Variants in ADD2 observed in about 807,000 individuals in gnomAD.
The protein encoded by ADD2 is beta-adducin.
Under a neutral mutation model 83.0 loss-of-function variants are expected in ADD2, and 23 were observed. That is an observed-to-expected ratio of 0.28 (90% CI 0.20 to 0.39). The LOEUF (loss-of-function observed/expected upper bound fraction) is 0.39. Ranked by LOEUF, ADD2 falls within the 10% of genes least tolerant of loss-of-function variation. The probability of loss-of-function intolerance (pLI) is 1.00; values close to 1 mark genes in which losing one functional copy is unlikely to be tolerated. For synonymous variants in ADD2, 375 were observed against 375.4 expected, an observed-to-expected ratio of 1.00 and a Z score of 0.01; for missense variants, 758 against 944.9, an observed-to-expected ratio of 0.80 and a Z score of 2.59.
At chr2:70,761,390 C>T (rs1347662970) in intron 1 of ADD2, among the ~76,000 whole-genome samples, 10 of 148,030 alleles carry the variant, frequency 6.8e-5, no homozygotes, top group African/African-American at 2.2e-4. Flanking sequence ...GGGTGGATCA[C>T]CTGAGATCAG....
intron 1 of ADD2, among the ~76,000 whole-genome samples, chr2:70,761,664 A>G (rs1675104704): frequency 6.7e-6 from 1 of 149,920 alleles, no homozygotes; most frequent in Non-Finnish European, 1.5e-5. Flanking sequence ...ATGAAAGAAC[A>G]AATAGACACA....
Position 70,706,086 on chromosome 2 carries a change from A to G in ADD2, c.183+140T>C. 1 of 825,684 alleles carries G rather than the reference A, an allele frequency of 1.2e-6. No homozygotes were observed. Among genetic ancestry groups the G allele is most frequent in the Non-Finnish European group, 1.8e-6 (1 of 551,152 alleles). The allele number at this position is 825,684 out of a possible 1,614,324, so 51.1% of individuals were successfully genotyped here. ...GAGAGTGTCAAGGCCCCAGGTGACC[A>G]GATCCGTCTTGCTCAGTGGGCTTAC... On this transcript the variant is annotated intron_variant, in intron 3 of 15. Transcript: ENST00000264436. The surrounding 1 kb of genome is among the most constrained non-coding windows in gnomAD (Gnocchi z 5.0).
At position 70,706,428 on chromosome 2, in the gene ADD2, T is replaced by C. The variant is rs1553374518; in HGVS notation, c.-20A>G. 1.9e-6 allele frequency: 3 copies of C among 1,594,554 alleles called. No homozygotes were observed. In the African/African-American group the frequency reaches 4.0e-5, roughly 21 times the overall value. On this transcript the variant is annotated 5_prime_UTR_variant, in exon 3 of 16. Transcript: ENST00000264436. This position sits in a 1 kb window ranked among gnomAD's most constrained non-coding sequence, Gnocchi z 5.0. Reference sequence around the variant, plus strand: ...GCTCATTTTCCCGGTGGGTTTGCAATTCGCTCCTGGAACTCTACAGAGAAG... The same window carrying C: ...GCTCATTTTCCCGGTGGGTTTGCAACTCGCTCCTGGAACTCTACAGAGAAG...
At chr2:70,708,346 T>C (rs1553374905) in intron 2 of ADD2, among the ~76,000 whole-genome samples, 3 of 152,168 alleles carry the variant, frequency 2.0e-5, no homozygotes, top group African/African-American at 7.2e-5. Flanking sequence ...GGGTGCACAA[T>C]AGCATCACCT....
intron 1 of ADD2, among the ~76,000 whole-genome samples, chr2:70,756,038 A>C (rs2104544854): frequency 6.6e-6 from 1 of 150,890 alleles, no homozygotes; most frequent in South Asian, 2.1e-4. Flanking sequence ...CAGCCTGGGC[A>C]ACAAAAGTGA....
At chr2:70,722,230 G>A (rs903300435) in intron 1 of ADD2, among the ~76,000 whole-genome samples, 1 of 152,026 alleles carries the variant, frequency 6.6e-6, no homozygotes. Context: ...AATAAAACGA[G>A]CATTGGCATG....
chr2:70,683,109 G>A (rs1255202497), intron 10 of ADD2, among the ~76,000 whole-genome samples: 2 of 142,954 alleles, frequency 1.4e-5, no homozygotes, highest in Non-Finnish European at 3.0e-5. Flanking sequence ...TGCAACCTCC[G>A]CCTCCCAGTT....
chr2:70,739,196 A>G (rs1370001607), intron 1 of ADD2, among the ~76,000 whole-genome samples: 2 of 152,214 alleles, frequency 1.3e-5, no homozygotes, highest in Non-Finnish European at 2.9e-5. Context: ...ATTTACAGGA[A>G]AAAAACCCCA....
Position 70,767,996 on chromosome 2 carries a change from G to A in ADD2, c.-264C>T. On this transcript the variant is annotated 5_prime_UTR_variant, in exon 1 of 16. Transcript: ENST00000264436. ...AAAAAATCCACCCAGCTAATCTGCA[G>A]GGCAGCGTTTTCTGCCCATGCTGCA... The A allele has an allele frequency of 6.5e-7, 1 of 1,532,076 alleles. No homozygotes were observed. Among genetic ancestry groups the A allele is most frequent in the Non-Finnish European group, 8.7e-7 (1 of 1,144,264 alleles). 94.9% of individuals were successfully genotyped at this position (1,532,076 alleles called of 1,614,324 possible). A position where few individuals can be genotyped will look rare whatever the true frequency, so the allele number is the denominator to read the frequency against.
intron 1 of ADD2, 160 bp downstream of exon 1, chr2:70,767,724 AAC>A (rs2104580992): frequency 2.1e-6 from 3 of 1,430,178 alleles, no homozygotes; most frequent in Non-Finnish European, 2.7e-6. Flanking sequence ...TTAGGCGCAA[AAC>A]ACACCGCTGC....
intron 1 of ADD2, among the ~76,000 whole-genome samples, chr2:70,749,306 G>T (rs1574320475): frequency 6.6e-6 from 1 of 152,114 alleles, no homozygotes. Context: ...GGGAATAGGG[G>T]ATTATAATTC....
At chr2:70,667,563 C>T (rs2104168510) in intron 15 of ADD2, among the ~76,000 whole-genome samples, 2 of 152,170 alleles carry the variant, frequency 1.3e-5, no homozygotes, top group African/African-American at 4.8e-5. Flanking sequence ...GTAAGGGATG[C>T]CCAGATAGTT....
intron 1 of ADD2, among the ~76,000 whole-genome samples, chr2:70,744,162 T>C (rs1480382956): frequency 1.3e-5 from 2 of 152,162 alleles, no homozygotes; most frequent in Non-Finnish European, 2.9e-5. Flanking sequence ...ATGGAAATAA[T>C]TGGAATTGGC....
intron 15 of ADD2, among the ~76,000 whole-genome samples, 167 bp from the exon 16 acceptor site, chr2:70,663,902 G>A (rs1417438295): frequency 2.6e-5 from 4 of 152,186 alleles, no homozygotes; most frequent in African/African-American, 9.7e-5. Flanking sequence ...GAAGGACTGG[G>A]TTCTGATCTG....
At chr2:70,720,379 T>C (rs1243249211) in intron 1 of ADD2, among the ~76,000 whole-genome samples, 1 of 132,148 alleles carries the variant, frequency 7.6e-6, no homozygotes, top group Non-Finnish European at 1.6e-5. Context: ...GGAATCTCCA[T>C]GTGGAGACAT....
intron 1 of ADD2, among the ~76,000 whole-genome samples, chr2:70,740,824 C>T (rs1673851785): frequency 6.6e-6 from 1 of 152,162 alleles, no homozygotes; most frequent in Non-Finnish European, 1.5e-5. Context: ...CCCAACCTCC[C>T]GAGTAGCTGA....
chr2:70,709,223 A>G (rs1553375055), intron 2 of ADD2, among the ~76,000 whole-genome samples: 1 of 151,932 alleles, frequency 6.6e-6, no homozygotes, highest in African/African-American at 2.4e-5. Flanking sequence ...GATCTCCCCC[A>G]ACCAGCACCA....
chr2:70,731,218 G>A (rs1288149470), intron 1 of ADD2, among the ~76,000 whole-genome samples: 1 of 152,086 alleles, frequency 6.6e-6, no homozygotes. Flanking sequence ...AGAAACTGAT[G>A]GGACACCAAA....
chr2:70,761,619 G>A (rs1186705071), intron 1 of ADD2, among the ~76,000 whole-genome samples: 34 of 147,842 alleles, frequency 2.3e-4, no homozygotes, highest in Non-Finnish European at 4.0e-4. Flanking sequence ...AGGAAGGAAG[G>A]AAGGAATTAA....
Sources: gnomAD v4.1 joint callset for allele counts (sites outside exome capture counted in the v4.1 genomes callset) on GRCh38, gnomAD v4.1.1 for gene constraint, Gnocchi (gnomAD v3.1) non-coding constraint, MANE v1.5 for transcripts, NCBI Gene and HGNC (gene_info 2026-07-23, HGNC 2026-07-21) for gene names.